Variants in LBP observed in about 807,000 individuals in gnomAD.
LBP encodes the protein lipopolysaccharide-binding protein.
Under a neutral mutation model 56.6 loss-of-function variants are expected in LBP, and 53 were observed. The observed-to-expected ratio is 0.94, with a 90% CI of 0.75 to 1.18. The LOEUF is 1.18. LBP is among the 50% of genes most tolerant of loss of function. LBP has a pLI of 0.00. For synonymous variants in LBP, 227 were observed against 247.5 expected, an observed-to-expected ratio of 0.92 and a Z score of 0.78; for missense variants, 601 against 598.3, an observed-to-expected ratio of 1.00 and a Z score of -0.05.
At chr20:38,371,414 A>G (rs2076900439) in intron 12 of LBP, 92 bp downstream of exon 12, 5 of 981,192 alleles carry the variant, frequency 5.1e-6, no homozygotes, top group Middle Eastern at 2.2e-4. Flanking sequence ...TAGGAAATAC[A>G]AAAGGAGAAG....
intron 3 of LBP, among the ~76,000 whole-genome samples, chr20:38,353,260 T>C (rs190748562): frequency 2.0e-5 from 3 of 152,292 alleles, no homozygotes; most frequent in Non-Finnish European, 4.4e-5. Flanking sequence ...TGTCCACCCC[T>C]ATCTGACTCC....
intron 2 of LBP, 37 bp from the exon 3 acceptor site, chr20:38,350,774 C>T: frequency 6.3e-7 from 1 of 1,582,710 alleles, no homozygotes; most frequent in Non-Finnish European, 8.6e-7. Context: ...GGGTCCAGGC[C>T]CAGGGCTGAC....
Position 38,370,833 on chromosome 20 carries a change from G to T in LBP, c.1217+28G>T, listed in dbSNP as rs1163973231. The stretch of plus-strand genomic sequence containing the variant: ...AAGTTGGCCTCCTACCTACATGGGG[G>T]TGCCCAGCTGGACTCCATCTGTATG... On this transcript the variant is annotated intron_variant, in intron 11 of 14. Transcript: ENST00000217407. 10 of 1,572,508 alleles carry T rather than the reference G, an allele frequency of 6.4e-6. No individual in the cohort carries two copies. In the African/African-American group the frequency reaches 8.1e-5, roughly 13 times the overall value.
intron 5 of LBP, among the ~76,000 whole-genome samples, chr20:38,359,914 G>A (rs1377159715): frequency 7.9e-5 from 12 of 152,114 alleles, no homozygotes; most frequent in Non-Finnish European, 1.6e-4. Flanking sequence ...GCAGGAATGG[G>A]GAATACTGAT....
intron 4 of LBP, 62 bp from the exon 5 acceptor site, chr20:38,355,284 C>T (rs1307679307): frequency 1.3e-6 from 2 of 1,506,490 alleles, no homozygotes; most frequent in Non-Finnish European, 1.8e-6. Flanking sequence ...GGACCAGGGC[C>T]TGGCTTTCCC....
chr20:38,374,934 C>T (rs1338151789), intron 14 of LBP, among the ~76,000 whole-genome samples: 1 of 148,676 alleles, frequency 6.7e-6, no homozygotes, highest in Non-Finnish European at 1.5e-5. Flanking sequence ...CAGGCTCCCG[C>T]CACCACTCCC....
chr20:38,358,241 C>T (rs1415309259), intron 5 of LBP, among the ~76,000 whole-genome samples: 1 of 152,214 alleles, frequency 6.6e-6, no homozygotes, highest in Non-Finnish European at 1.5e-5. Flanking sequence ...AACCAAAAAG[C>T]AGAGAGAGGT....
At chr20:38,358,145 T>A (rs1164299659) in intron 5 of LBP, among the ~76,000 whole-genome samples, 1 of 152,194 alleles carries the variant, frequency 6.6e-6, no homozygotes, top group Non-Finnish European at 1.5e-5. Flanking sequence ...TTGCCCCTGT[T>A]CTAGATGAAG....
In LBP at chr20:38,350,626, A is replaced by G. The variant is rs187851524; in HGVS notation, c.240-185A>G. On this transcript the variant is annotated intron_variant, in intron 2 of 14. Coordinates refer to ENST00000217407, the MANE Select transcript of LBP (RefSeq NM_004139.5). Reference sequence around the variant, plus strand: ...ACTGCTGACCCCTTCAGTGTGGCCCATATGGCATGAAGAAAGTAACGTGCT... The same window carrying G: ...ACTGCTGACCCCTTCAGTGTGGCCCGTATGGCATGAAGAAAGTAACGTGCT... Among the ~76,000 whole-genome samples the G allele has an allele frequency of 2.6e-5, 4 of 152,350 alleles. No homozygotes were observed. The East Asian group carries it at 5.8e-4, about 22-fold the overall frequency.
At chr20:38,354,149 G>A (rs921646701) in intron 3 of LBP, 135 bp from the exon 4 acceptor site, 7 of 680,930 alleles carry the variant, frequency 1.0e-5, no homozygotes, top group Non-Finnish European at 1.6e-5. Context: ...GATCTTTTAT[G>A]GCTTTATTTG....
In LBP at chr20:38,373,920, T is replaced by C; in HGVS notation, c.1325-17T>C. 6.2e-7 allele frequency: 1 copy of C among 1,610,670 alleles called. No individual in the cohort carries two copies. The highest frequency in any genetic ancestry group is 8.5e-7 in the Non-Finnish European group (1 of 1,176,856). Reference sequence around the variant, plus strand: ...TTTATTCACCAATCTCTTTCAATGTTGTGCTTCAACCTCTAGATAAGTTGG... The same window carrying C: ...TTTATTCACCAATCTCTTTCAATGTCGTGCTTCAACCTCTAGATAAGTTGG... On this transcript the variant is annotated splice_polypyrimidine_tract_variant and intron_variant, in intron 13 of 14. Coordinates refer to ENST00000217407, the MANE Select transcript of LBP (RefSeq NM_004139.5).
At chr20:38,356,043 G>A (rs984792749) in intron 5 of LBP, among the ~76,000 whole-genome samples, 11 of 148,096 alleles carry the variant, frequency 7.4e-5, no homozygotes, top group African/African-American at 2.8e-4. Context: ...AGTGATGGAG[G>A]AGGAAAGGGA....
At chr20:38,369,240 C>G in intron 10 of LBP, 78 bp downstream of exon 10, 1 of 1,371,504 alleles carries the variant, frequency 7.3e-7, no homozygotes, top group Admixed American at 2.2e-5. Flanking sequence ...CTTTTCTCCC[C>G]ACTCACCACC....
intron 10 of LBP, 109 bp from the exon 11 acceptor site, chr20:38,370,629 A>G: frequency 1.0e-6 from 1 of 957,404 alleles, no homozygotes; most frequent in African/African-American, 1.6e-5. Context: ...TTCCTGCTTT[A>G]GCTCATTGAG....
chr20:38,368,966 T>G, intron 9 of LBP, 29 bp from the exon 10 acceptor site: 1 of 1,610,676 alleles, frequency 6.2e-7, no homozygotes, highest in Non-Finnish European at 8.5e-7. Flanking sequence ...TTTTCTTCTC[T>G]TGATGTAATC....
chr20:38,376,489 A>C, intron 14 of LBP, 136 bp from the exon 15 acceptor site: 3 of 772,934 alleles, frequency 3.9e-6, no homozygotes, highest in East Asian at 2.5e-5. Flanking sequence ...ACTGAGGCAC[A>C]CTCGCAATTT....
chr20:38,368,472 A>G (rs866585293), intron 9 of LBP, among the ~76,000 whole-genome samples: 4 of 152,054 alleles, frequency 2.6e-5, no homozygotes, highest in Non-Finnish European at 5.9e-5. Context: ...GGTGGTGCAC[A>G]CCTGTAATCC....
chr20:38,349,861 A>G (rs907367822), intron 2 of LBP, among the ~76,000 whole-genome samples, 199 bp downstream of exon 2: 1 of 152,184 alleles, frequency 6.6e-6, no homozygotes, highest in Non-Finnish European at 1.5e-5. Context: ...CGCAGCAAAT[A>G]TTAAGGAAGA....
At chr20:38,347,851 G>A (rs1169321526) in intron 1 of LBP, among the ~76,000 whole-genome samples, 1 of 152,162 alleles carries the variant, frequency 6.6e-6, no homozygotes, top group Non-Finnish European at 1.5e-5. Context: ...GACAGGCACT[G>A]ACCACATGTC....
Sources: gnomAD v4.1 joint callset for allele counts (sites outside exome capture counted in the v4.1 genomes callset) on GRCh38, gnomAD v4.1.1 for gene constraint, MANE v1.5 for transcripts, NCBI Gene and HGNC (gene_info 2026-07-23, HGNC 2026-07-21) for gene names.